The following IMMP2L variants were observed in gnomAD, a reference collection of about 807,000 sequenced individuals.
IMMP2L encodes inner mitochondrial membrane peptidase subunit 2, also known as mitochondrial inner membrane protease subunit 2.
IMMP2L carries 18 observed loss-of-function variants against 19.3 expected under a neutral mutation model. That is an observed-to-expected ratio of 0.93 (90% CI 0.64 to 1.38). The LOEUF (loss-of-function observed/expected upper bound fraction) is 1.38, where lower values mean the gene tolerates loss of function less well. Ranked by LOEUF, IMMP2L falls within the 40% of genes most tolerant of loss-of-function variation. The probability of loss-of-function intolerance (pLI) is 0.00; values close to 1 mark genes in which losing one functional copy is unlikely to be tolerated. For missense variants in IMMP2L, 233 were observed against 218.2 expected, an observed-to-expected ratio of 1.07 and a Z score of -0.43; for synonymous variants, 76 against 73.0, an observed-to-expected ratio of 1.04 and a Z score of -0.21.
At chr7:111,179,416 C>T (rs1051013134) in intron 3 of IMMP2L, among the ~76,000 whole-genome samples, 5 of 151,670 alleles carry the variant, frequency 3.3e-5, no homozygotes, top group Non-Finnish European at 2.9e-5. Context: ...TGGTAGTGTT[C>T]GTGTTTGTTA....
chr7:111,455,015 A>G (rs1839561754), intron 3 of IMMP2L, among the ~76,000 whole-genome samples: 2 of 152,042 alleles, frequency 1.3e-5, no homozygotes, highest in African/African-American at 4.8e-5. Flanking sequence ...TATGCAAAAT[A>G]TTAGTGGATG....
In IMMP2L at chr7:110,875,575, A is replaced by G. The variant is rs1808982668; in HGVS notation, c.408+11018T>C. Among the ~76,000 whole-genome samples the G allele has an allele frequency of 2.0e-5, 3 of 152,144 alleles. No individual in the cohort carries two copies. In the South Asian group the frequency reaches 6.2e-4, roughly 31 times the overall value. On this transcript the variant is annotated intron_variant, in intron 5 of 5. Transcript: ENST00000405709. Reference sequence around the variant, plus strand: ...ATGAAACAATTTATATGAACAACCCAAATATAATCATGGCTAATTTGAGAG... The same window carrying G: ...ATGAAACAATTTATATGAACAACCCGAATATAATCATGGCTAATTTGAGAG...
chr7:111,252,648 G>A (rs916901268), intron 3 of IMMP2L, among the ~76,000 whole-genome samples: 10 of 152,052 alleles, frequency 6.6e-5, no homozygotes, highest in African/African-American at 2.2e-4. Flanking sequence ...ACACTAAATC[G>A]GGGTCCTTGA....
chr7:111,556,102 AG>A (rs1791323812), intron 1 of IMMP2L, among the ~76,000 whole-genome samples: 1 of 146,486 alleles, frequency 6.8e-6, no homozygotes, highest in Non-Finnish European at 1.5e-5. Context: ...AAAGCTCTCT[AG>A]GGGATTCTAA....
intron 1 of IMMP2L, among the ~76,000 whole-genome samples, chr7:111,536,352 C>T (rs758731431): frequency 1.3e-5 from 2 of 151,662 alleles, no homozygotes; most frequent in Non-Finnish European, 2.9e-5. Flanking sequence ...CTGTTGCCCA[C>T]GCTGGAGTGC....
chr7:111,328,639 T>G (rs1375196602), intron 3 of IMMP2L, among the ~76,000 whole-genome samples: 1 of 151,810 alleles, frequency 6.6e-6, no homozygotes, highest in Non-Finnish European at 1.5e-5. Flanking sequence ...CTGGATACTG[T>G]GTAGAATAAA....
At chr7:111,192,728 AG>A (rs1252514245) in intron 3 of IMMP2L, among the ~76,000 whole-genome samples, 3 of 152,154 alleles carry the variant, frequency 2.0e-5, no homozygotes, top group Non-Finnish European at 2.9e-5. Context: ...AATCAAAGAA[AG>A]GGGATGATTG....
Position 111,323,968 on chromosome 7 carries a change from A to ACAT in IMMP2L, c.239+163267_239+163269dup, listed in dbSNP as rs1254736299. On this transcript the variant is annotated intron_variant, in intron 3 of 5. Coordinates refer to ENST00000405709, the MANE Select transcript of IMMP2L (RefSeq NM_032549.4). ...AGAACACAGGGACACAGGAAGGGGA[A>ACAT]CATCACACACCGGGACCTGTTGTGG... 9.9e-5 allele frequency among the ~76,000 whole-genome samples: 15 copies of ACAT among 152,162 alleles called. No individual in the cohort carries two copies. The East Asian group carries it at 2.9e-3, about 29-fold the overall frequency.
chr7:110,994,741 T>TA (rs1822857889), intron 3 of IMMP2L, among the ~76,000 whole-genome samples: 1 of 152,170 alleles, frequency 6.6e-6, no homozygotes, highest in South Asian at 2.1e-4. Flanking sequence ...AAGTAACCAA[T>TA]GCAACCATCT....
chr7:110,892,307 G>T (rs1810882211), intron 4 of IMMP2L, among the ~76,000 whole-genome samples: 2 of 152,204 alleles, frequency 1.3e-5, no homozygotes, highest in South Asian at 2.1e-4. Context: ...TGCTTTGTGG[G>T]TCCAACTTGT....
chr7:111,323,847 T>C (rs1183291994), intron 3 of IMMP2L, among the ~76,000 whole-genome samples: 1 of 152,028 alleles, frequency 6.6e-6, no homozygotes, highest in Non-Finnish European at 1.5e-5. Flanking sequence ...TGTAGGGACA[T>C]GGATGAAGCT....
intron 2 of IMMP2L, among the ~76,000 whole-genome samples, chr7:111,496,286 T>C (rs1161661818): frequency 6.6e-6 from 1 of 152,198 alleles, no homozygotes; most frequent in African/African-American, 2.4e-5. Flanking sequence ...TAGACTATAA[T>C]GTACCCAGGT....
intron 3 of IMMP2L, among the ~76,000 whole-genome samples, chr7:111,065,986 ATTTTT>A (rs57080906): frequency 2.0e-5 from 2 of 101,398 alleles, no homozygotes; most frequent in Admixed American, 1.0e-4. Flanking sequence ...GCAGGCTGTA[ATTTTT>A]TTTTTTTTTT....
chr7:111,427,770 A>G (rs1471768333), intron 3 of IMMP2L, among the ~76,000 whole-genome samples: 1 of 151,826 alleles, frequency 6.6e-6, no homozygotes, highest in African/African-American at 2.4e-5. Flanking sequence ...CGACAGTATT[A>G]AATTATAAAT....
At chr7:110,941,263 G>A (rs928999353) in intron 4 of IMMP2L, among the ~76,000 whole-genome samples, 1 of 152,128 alleles carries the variant, frequency 6.6e-6, no homozygotes, top group Non-Finnish European at 1.5e-5. Context: ...TATATCAGCT[G>A]AAGCACCACA....
At chr7:111,535,573 G>A (rs1316911004) in intron 1 of IMMP2L, among the ~76,000 whole-genome samples, 1 of 152,106 alleles carries the variant, frequency 6.6e-6, no homozygotes, top group African/African-American at 2.4e-5. Flanking sequence ...TGGTGGGGCA[G>A]GAAAAGGGAC....
At chr7:111,428,635 T>C (rs1836325128) in intron 3 of IMMP2L, among the ~76,000 whole-genome samples, 1 of 150,556 alleles carries the variant, frequency 6.6e-6, no homozygotes, top group African/African-American at 2.5e-5. Flanking sequence ...TCTGCTTTAC[T>C]GACAATGCAG....
intron 5 of IMMP2L, among the ~76,000 whole-genome samples, chr7:110,823,747 T>C (rs1803230568): frequency 2.0e-5 from 3 of 152,124 alleles, no homozygotes; most frequent in Admixed American, 6.6e-5. Flanking sequence ...AAGTGAATGC[T>C]ATCAAAACTA....
intron 3 of IMMP2L, among the ~76,000 whole-genome samples, chr7:111,196,987 T>A (rs548739443): frequency 6.7e-4 from 102 of 152,306 alleles, no homozygotes; most frequent in Admixed American, 1.6e-3. Flanking sequence ...TACTTCCAGT[T>A]TTTCGTTTAT....
Sources: gnomAD v4.1 joint callset for allele counts (sites outside exome capture counted in the v4.1 genomes callset) on GRCh38, gnomAD v4.1.1 for gene constraint, MANE v1.5 for transcripts, NCBI Gene and HGNC (gene_info 2026-07-23, HGNC 2026-07-21) for gene names.